Variants in PCDH11X observed in about 807,000 individuals in gnomAD.
PCDH11X encodes protocadherin-11 X-linked.
PCDH11X carries 18 observed loss-of-function variants against 53.3 expected under a neutral mutation model. The observed-to-expected ratio is 0.34, with a 90% CI of 0.23 to 0.50. PCDH11X has a LOEUF of 0.50. Ranked by LOEUF, PCDH11X falls within the 20% of genes least tolerant of loss-of-function variation. PCDH11X has a pLI of 0.98. For synonymous variants in PCDH11X, 279 were observed against 393.3 expected (o/e 0.71, Z 3.44); for missense variants, 570 against 1,032.4 (o/e 0.55, Z 6.14).
intron 8 of PCDH11X, among the ~76,000 whole-genome samples, chrX:92,278,680 C>T (rs946475406): frequency 1.6e-4 from 18 of 110,200 alleles, no homozygotes; most frequent in Non-Finnish European, 3.2e-4. Context: ...TCAGTTAAGG[C>T]GGGGCAGGGC....
At chrX:92,220,840 A>G (rs1024855077) in intron 7 of PCDH11X, among the ~76,000 whole-genome samples, 17 of 106,221 alleles carry the variant, frequency 1.6e-4, no homozygotes, top group South Asian at 4.3e-4. Context: ...AAAATGTGGC[A>G]CATATACACC....
intron 6 of PCDH11X, among the ~76,000 whole-genome samples, chrX:91,925,924 G>A (rs1403213176): frequency 1.8e-5 from 2 of 108,610 alleles, no homozygotes; most frequent in African/African-American, 6.7e-5. Context: ...TGGTATAGAA[G>A]GGAGAGGAAT....
chrX:92,171,473 C>CT (rs569753114), intron 6 of PCDH11X, among the ~76,000 whole-genome samples: 1,952 of 109,865 alleles, frequency 0.018, 29 homozygotes, highest in Middle Eastern at 0.066. Flanking sequence ...GATTTTTTTT[C>CT]TTTTTTTTGA....
chrX:92,386,933 G>A (rs1343538686), intron 8 of PCDH11X, among the ~76,000 whole-genome samples: 3 of 96,880 alleles, frequency 3.1e-5, no homozygotes, highest in Non-Finnish European at 4.3e-5. Context: ...AAGAGGTGAT[G>A]TCCATTGGGG....
At chrX:92,477,655 A>G (rs774334919) in intron 10 of PCDH11X, among the ~76,000 whole-genome samples, 1 of 84,988 alleles carries the variant, frequency 1.2e-5, no homozygotes, top group Non-Finnish European at 2.3e-5. Context: ...TCATTTCTCC[A>G]TCAGAGGGAG....
chrX:92,340,403 A>G (rs1603278726), intron 8 of PCDH11X, among the ~76,000 whole-genome samples: 1 of 111,908 alleles, frequency 8.9e-6, no homozygotes, highest in African/African-American at 3.3e-5. Flanking sequence ...CTGTTCTACT[A>G]GAGTTTCTCT....
chrX:92,363,095 T>C (rs2070384179), intron 8 of PCDH11X, among the ~76,000 whole-genome samples: 1 of 111,379 alleles, frequency 9.0e-6, no homozygotes, highest in Admixed American at 9.6e-5. Context: ...GTGAGACTTT[T>C]TACTTTATTC....
chrX:92,273,053 G>C (rs2067993428), intron 8 of PCDH11X, among the ~76,000 whole-genome samples: 1 of 111,785 alleles, frequency 8.9e-6, no homozygotes, highest in African/African-American at 3.3e-5. Flanking sequence ...GTGTTTTGCA[G>C]CATTTATATA....
chrX:91,970,687 G>A (rs868765398), intron 6 of PCDH11X, among the ~76,000 whole-genome samples: 59 of 111,719 alleles, frequency 5.3e-4, no homozygotes, highest in African/African-American at 1.8e-3. Flanking sequence ...TAGTGCAGCC[G>A]CTCCTAGGCA....
At chrX:92,569,012 C>A (rs1921875656) in intron 10 of PCDH11X, among the ~76,000 whole-genome samples, 2 of 111,374 alleles carry the variant, frequency 1.8e-5, no homozygotes, top group African/African-American at 6.5e-5. Flanking sequence ...GCTCGGGAAT[C>A]TTCACTAATT....
At chrX:92,451,460 T>C in intron 9 of PCDH11X, among the ~76,000 whole-genome samples, 2 of 111,623 alleles carry the variant, frequency 1.8e-5, no homozygotes, top group South Asian at 7.4e-4. Flanking sequence ...ATTTGATCTA[T>C]GTGTATGCAA....
chrX:92,353,359 A>G (rs1437058294), intron 8 of PCDH11X, among the ~76,000 whole-genome samples: 2 of 112,076 alleles, frequency 1.8e-5, no homozygotes, highest in African/African-American at 6.5e-5. Context: ...TGTTTACTTT[A>G]CTGCAATCGC....
At chrX:92,295,373 T>A (rs113654195) in intron 8 of PCDH11X, among the ~76,000 whole-genome samples, 6,947 of 110,574 alleles carry the variant, frequency 0.063, 313 homozygotes, top group African/African-American at 0.16. Flanking sequence ...TCTCGTTATT[T>A]CTAATAATTT....
At chrX:92,113,039 C>T (rs1193725455) in intron 6 of PCDH11X, among the ~76,000 whole-genome samples, 1 of 108,398 alleles carries the variant, frequency 9.2e-6, no homozygotes, top group Non-Finnish European at 1.9e-5. Context: ...GGGTTAGATT[C>T]AGGGGAAGGA....
At chrX:92,093,398 A>G (rs1386128246) in intron 6 of PCDH11X, among the ~76,000 whole-genome samples, 1 of 111,661 alleles carries the variant, frequency 9.0e-6, no homozygotes, top group Non-Finnish European at 1.9e-5. Flanking sequence ...AGAGAAAACT[A>G]TATTAATTAT....
intron 6 of PCDH11X, chrX:92,113,663 A>G (rs2064569683): frequency 6.7e-6 from 8 of 1,198,903 alleles, no homozygotes; most frequent in Non-Finnish European, 9.0e-6. Flanking sequence ...AGGGTTTCAT[A>G]CAAGTCACAT....
At chrX:91,800,171 C>T (rs1265616022) in intron 1 of PCDH11X, among the ~76,000 whole-genome samples, 3 of 110,179 alleles carry the variant, frequency 2.7e-5, no homozygotes, top group Non-Finnish European at 5.7e-5. Flanking sequence ...TCTCTTTTTT[C>T]CTTCTTCCAT....
intron 6 of PCDH11X, among the ~76,000 whole-genome samples, chrX:92,175,807 G>C (rs866303363): frequency 0.014 from 798 of 57,840 alleles, 4 homozygotes; most frequent in African/African-American, 0.028. Context: ...CACACACAGA[G>C]AGAGAGAGAG....
chrX:92,148,554 C>A (rs2065371428), intron 6 of PCDH11X, among the ~76,000 whole-genome samples: 1 of 107,889 alleles, frequency 9.3e-6, no homozygotes, highest in Non-Finnish European at 1.9e-5. Context: ...AAAGGAATAG[C>A]ACCTATGATA....
Sources: gnomAD v4.1 joint callset for allele counts (sites outside exome capture counted in the v4.1 genomes callset) on GRCh38, gnomAD v4.1.1 for gene constraint, MANE v1.5 for transcripts, NCBI Gene and HGNC (gene_info 2026-07-23, HGNC 2026-07-21) for gene names.